Variants in AASDH observed in about 807,000 individuals in gnomAD.
AASDH encodes the protein beta-alanine-activating enzyme.
Under a neutral mutation model 102.3 loss-of-function variants are expected in AASDH, and 81 were observed. The ratio of observed to expected loss-of-function variants is 0.79; its 90% CI spans 0.66 to 0.95. AASDH has a LOEUF of 0.95. Ranked by LOEUF, AASDH falls within the 40% of genes least tolerant of loss-of-function variation. The pLI is 0.00. For synonymous variants in AASDH, 398 were observed against 454.0 expected, an observed-to-expected ratio of 0.88 and a Z score of 1.57; for missense variants, 1,203 against 1,266.2, an observed-to-expected ratio of 0.95 and a Z score of 0.76.
intron 4 of AASDH, among the ~76,000 whole-genome samples, chr4:56,372,803 C>T (rs1387485579): frequency 6.6e-6 from 1 of 152,146 alleles, no homozygotes; most frequent in African/African-American, 2.4e-5. Flanking sequence ...TTTATTTAAT[C>T]AAAGTTTTAT....
chr4:56,373,209 G>A (rs190407305), intron 4 of AASDH, among the ~76,000 whole-genome samples: 3 of 152,048 alleles, frequency 2.0e-5, no homozygotes, highest in Admixed American at 6.6e-5. Context: ...GCATGATCTC[G>A]GCTCACTGCA....
chr4:56,340,578 A>C (rs1388933717), intron 14 of AASDH, among the ~76,000 whole-genome samples: 3 of 152,222 alleles, frequency 2.0e-5, no homozygotes, highest in Admixed American at 6.5e-5. Flanking sequence ...TAAAACTACT[A>C]GAAGAAAACA....
intron 5 of AASDH, chr4:56,356,736 C>T (rs1256040801): frequency 1.5e-5 from 11 of 712,766 alleles, no homozygotes; most frequent in Admixed American, 5.5e-5. Context: ...GTACCACTGT[C>T]GCCTTCACAC....
intron 3 of AASDH, among the ~76,000 whole-genome samples, chr4:56,378,668 C>T (rs1752624679): frequency 6.6e-6 from 1 of 152,018 alleles, no homozygotes; most frequent in African/African-American, 2.4e-5. Flanking sequence ...GCACATCCTC[C>T]CATATACTTT....
rs531776876 is a variant in AASDH at position 56,385,488 on chromosome 4, TA to T, written c.-42-1148del. ...AGAAAGAAACACTCGGGATCAACGG[TA>T]AAAAAAATTCACAGTGTTTCCTTAA... is the stretch of plus-strand genomic sequence containing the variant. On this transcript the variant is annotated intron_variant, in intron 1 of 14. Coordinates refer to ENST00000205214, the MANE Select transcript of AASDH (RefSeq NM_181806.4). Among the ~76,000 whole-genome samples, 490 of 152,222 alleles carry T rather than the reference TA, an allele frequency of 3.2e-3. 1 individual carries two copies. Among genetic ancestry groups the T allele is most frequent in the Non-Finnish European group, 5.6e-3 (384 of 67,986 alleles).
At chr4:56,370,257 G>A (rs1435758765) in intron 5 of AASDH, among the ~76,000 whole-genome samples, 1 of 151,998 alleles carries the variant, frequency 6.6e-6, no homozygotes, top group Non-Finnish European at 1.5e-5. Context: ...CAGCTACTCA[G>A]GAGACTGAGG....
chr4:56,346,120 G>A (rs1479588591), intron 11 of AASDH, among the ~76,000 whole-genome samples: 2 of 152,186 alleles, frequency 1.3e-5, no homozygotes, highest in East Asian at 3.9e-4. Context: ...TGGTTCAAAT[G>A]TACAAAGTGA....
At chr4:56,370,430 AAAG>A (rs1264848696) in intron 5 of AASDH, among the ~76,000 whole-genome samples, 2 of 152,134 alleles carry the variant, frequency 1.3e-5, no homozygotes, top group Non-Finnish European at 2.9e-5. Flanking sequence ...AAACAAAAGA[AAAG>A]AAAAGAAATT....
chr4:56,354,339 T>G, intron 7 of AASDH, 128 bp from the exon 8 acceptor site: 1 of 729,560 alleles, frequency 1.4e-6, no homozygotes, highest in Non-Finnish European at 2.0e-6. Flanking sequence ...GGGCTCATTT[T>G]AAAATGTTAT....
intron 2 of AASDH, 125 bp downstream of exon 2, chr4:56,383,945 T>C: frequency 1.4e-6 from 1 of 728,112 alleles, no homozygotes; most frequent in East Asian, 2.7e-5. Context: ...CTTTAGTCTC[T>C]CTACAATTGA....
intron 14 of AASDH, 150 bp from the exon 15 acceptor site, chr4:56,338,941 T>C (rs780861172): frequency 4.5e-5 from 34 of 753,682 alleles, no homozygotes; most frequent in Admixed American, 1.5e-4. Flanking sequence ...TTCTGAAAAG[T>C]AGCACTATCA....
chr4:56,344,311 T>C (rs1291894996), intron 12 of AASDH, among the ~76,000 whole-genome samples: 1 of 152,204 alleles, frequency 6.6e-6, no homozygotes, highest in African/African-American at 2.4e-5. Context: ...CATCAGCATT[T>C]AATGTTATGA....
chr4:56,350,957 G>A (rs1170021783), intron 10 of AASDH, among the ~76,000 whole-genome samples: 3 of 152,162 alleles, frequency 2.0e-5, no homozygotes, highest in Non-Finnish European at 4.4e-5. Context: ...AGTTCTTTTA[G>A]AATAATGATG....
chr4:56,363,034 G>A (rs976364970), intron 5 of AASDH, among the ~76,000 whole-genome samples: 96 of 152,216 alleles, frequency 6.3e-4, no homozygotes, highest in Non-Finnish European at 1.0e-3. Flanking sequence ...CTAATACTGC[G>A]CTTTTCCAAT....
intron 5 of AASDH, among the ~76,000 whole-genome samples, chr4:56,368,124 A>C (rs994364105): frequency 2.0e-5 from 3 of 152,372 alleles, no homozygotes; most frequent in Non-Finnish European, 1.5e-5. Context: ...AAAAATGCTC[A>C]TCATCACTGG....
intron 14 of AASDH, among the ~76,000 whole-genome samples, chr4:56,339,637 G>C (rs1407365509): frequency 6.6e-6 from 1 of 150,816 alleles, no homozygotes; most frequent in Admixed American, 6.6e-5. Flanking sequence ...TACAGTCCCA[G>C]CTACTGGGGA....
intron 3 of AASDH, among the ~76,000 whole-genome samples, chr4:56,378,897 T>A (rs1043798200): frequency 2.6e-5 from 4 of 151,772 alleles, no homozygotes; most frequent in Non-Finnish European, 5.9e-5. Context: ...TTATTTTTTT[T>A]TTTTGAGACG....
At chr4:56,363,872 G>A (rs990601640) in intron 5 of AASDH, among the ~76,000 whole-genome samples, 1 of 152,208 alleles carries the variant, frequency 6.6e-6, no homozygotes, top group Non-Finnish European at 1.5e-5. Context: ...GCTGGACAGA[G>A]AATGACTTTG....
At chr4:56,344,129 T>G (rs1487614561) in intron 12 of AASDH, among the ~76,000 whole-genome samples, 1 of 152,208 alleles carries the variant, frequency 6.6e-6, no homozygotes, top group East Asian at 1.9e-4. Flanking sequence ...TTTCTAGGTA[T>G]TATAAACAAC....
Sources: gnomAD v4.1 joint callset for allele counts (sites outside exome capture counted in the v4.1 genomes callset) on GRCh38, gnomAD v4.1.1 for gene constraint, MANE v1.5 for transcripts, NCBI Gene and HGNC (gene_info 2026-07-23, HGNC 2026-07-21) for gene names.